Variants in TCF7L1 observed in about 807,000 individuals in gnomAD.
The protein encoded by TCF7L1 is transcription factor 7 like 1.
TCF7L1 carries 18 observed loss-of-function variants against 63.7 expected under a neutral mutation model. That is an observed-to-expected ratio of 0.28 (90% CI 0.20 to 0.42). TCF7L1 has a LOEUF of 0.42. TCF7L1 is among the 10% of genes least tolerant of loss of function. The pLI is 1.00. For synonymous variants in TCF7L1, 355 were observed against 340.9 expected, an observed-to-expected ratio of 1.04 and a Z score of -0.46; for missense variants, 654 against 779.3, an observed-to-expected ratio of 0.84 and a Z score of 1.91.
At chr2:85,279,184 A>G (rs1335653530) in intron 3 of TCF7L1, among the ~76,000 whole-genome samples, 2 of 152,232 alleles carry the variant, frequency 1.3e-5, no homozygotes, top group East Asian at 3.9e-4. Context: ...ACAGTCAGCC[A>G]TCACTTACTT....
chr2:85,198,973 T>C (rs1183201942), intron 3 of TCF7L1, among the ~76,000 whole-genome samples: 1 of 151,836 alleles, frequency 6.6e-6, no homozygotes, highest in African/African-American at 2.4e-5. Flanking sequence ...CCCAGCCCTG[T>C]AAAGAAAAAA....
intron 3 of TCF7L1, among the ~76,000 whole-genome samples, chr2:85,232,683 A>G (rs1391825103): frequency 6.6e-6 from 1 of 152,216 alleles, no homozygotes; most frequent in African/African-American, 2.4e-5. Context: ...TCTTCCAGTG[A>G]CATATTCAGG....
chr2:85,216,861 A>G (rs1480368812), intron 3 of TCF7L1, among the ~76,000 whole-genome samples: 3 of 152,240 alleles, frequency 2.0e-5, no homozygotes, highest in Admixed American at 6.5e-5. Flanking sequence ...GGGCTTCTCA[A>G]GCTTGGAGAA....
intron 3 of TCF7L1, among the ~76,000 whole-genome samples, chr2:85,159,368 C>T (rs954399019): frequency 6.6e-6 from 1 of 152,180 alleles, no homozygotes; most frequent in African/African-American, 2.4e-5. Flanking sequence ...GTAGGTTTAG[C>T]TGTCTGTTGG....
intron 3 of TCF7L1, among the ~76,000 whole-genome samples, chr2:85,241,437 GTT>G (rs772334481): frequency 0.18 from 15,321 of 83,234 alleles, 1,712 homozygotes; most frequent in African/African-American, 0.36. Context: ...CTTTGTTTTT[GTT>G]TTTTTTTTTT....
chr2:85,231,585 G>A (rs1030641820), intron 3 of TCF7L1, among the ~76,000 whole-genome samples: 7 of 152,062 alleles, frequency 4.6e-5, no homozygotes, highest in Non-Finnish European at 7.4e-5. Flanking sequence ...CTGGGCCACC[G>A]CTGGTGTATC....
intron 7 of TCF7L1, 149 bp downstream of exon 7, chr2:85,304,487 C>T (rs143996198): frequency 1.5e-5 from 11 of 715,078 alleles, no homozygotes; most frequent in African/African-American, 1.4e-4. Flanking sequence ...TCTCACGTCC[C>T]GCGCTCCCCA....
In TCF7L1 at chr2:85,201,937, TTTTA is replaced by T. The variant is rs138595337; in HGVS notation, c.441+67515_441+67518del. Among the ~76,000 whole-genome samples, 910 of 150,502 alleles carry T rather than the reference TTTTA, an allele frequency of 6.0e-3. 13 individuals are homozygous for T. Among genetic ancestry groups the T allele is most frequent in the African/African-American group, 0.02 (831 of 40,930 alleles). On this transcript the variant is annotated intron_variant, in intron 3 of 11. Transcript: ENST00000282111. ...AAATGTCTATTCAAGTCTTTTGACT[TTTTA>T]TTTATTTATTTATTTATTTATTTAT...
At chr2:85,230,206 G>A (rs1226300031) in intron 3 of TCF7L1, among the ~76,000 whole-genome samples, 1 of 151,992 alleles carries the variant, frequency 6.6e-6, no homozygotes, top group Admixed American at 6.6e-5. Flanking sequence ...TAGAAACTCG[G>A]GTTTTTCTGG....
chr2:85,135,094 C>T (rs1677559873), intron 3 of TCF7L1, among the ~76,000 whole-genome samples: 1 of 152,174 alleles, frequency 6.6e-6, no homozygotes, highest in Non-Finnish European at 1.5e-5. Flanking sequence ...GCGAGCGCTG[C>T]GACACTTTAA....
chr2:85,164,274 C>T (rs949394992), intron 3 of TCF7L1, among the ~76,000 whole-genome samples: 40 of 152,150 alleles, frequency 2.6e-4, no homozygotes, highest in African/African-American at 9.7e-4. Context: ...CATTCAGGCT[C>T]CTCCAGAGAT....
Position 85,151,011 on chromosome 2 carries a change from G to A in TCF7L1, c.441+16561G>A, listed in dbSNP as rs1017796276. 2.6e-5 allele frequency among the ~76,000 whole-genome samples: 4 copies of A among 152,032 alleles called. No homozygotes were observed. In the South Asian group the frequency reaches 8.3e-4, roughly 32 times the overall value. ...TTCTGTGACACTATAGAACATATTT[G>A]TGCATACTAAATAAGGTGAAAGTAT... On this transcript the variant is annotated intron_variant, in intron 3 of 11. Coordinates refer to ENST00000282111, the MANE Select transcript of TCF7L1 (RefSeq NM_031283.3).
intron 3 of TCF7L1, among the ~76,000 whole-genome samples, chr2:85,186,024 T>C (rs767669993): frequency 7.1e-6 from 1 of 141,054 alleles, no homozygotes; most frequent in African/African-American, 2.8e-5. Flanking sequence ...TGGAGTGCAG[T>C]GGTGCAATCT....
chr2:85,297,300 T>C (rs1444187284), intron 4 of TCF7L1, among the ~76,000 whole-genome samples: 1 of 152,208 alleles, frequency 6.6e-6, no homozygotes, highest in African/African-American at 2.4e-5. Context: ...GCAGAGACTC[T>C]TGACTTACCT....
intron 3 of TCF7L1, among the ~76,000 whole-genome samples, chr2:85,177,500 T>C (rs1236066934): frequency 2.0e-5 from 3 of 152,128 alleles, no homozygotes; most frequent in Non-Finnish European, 4.4e-5. Flanking sequence ...AGCCCAGGCA[T>C]TTGAAAGTGG....
At chr2:85,258,353 G>GAGCC (rs1270269772) in intron 3 of TCF7L1, among the ~76,000 whole-genome samples, 1 of 152,152 alleles carries the variant, frequency 6.6e-6, no homozygotes, top group Non-Finnish European at 1.5e-5. Context: ...TGAGGCTTGA[G>GAGCC]AGCCTGCCTG....
intron 4 of TCF7L1, 53 bp downstream of exon 4, chr2:85,283,631 C>A: frequency 6.4e-7 from 1 of 1,567,040 alleles, no homozygotes; most frequent in Non-Finnish European, 8.8e-7. Flanking sequence ...TGGCCTCATC[C>A]CATGCCACTG....
At chr2:85,146,485 T>TTTTC (rs1435351751) in intron 3 of TCF7L1, among the ~76,000 whole-genome samples, 4 of 145,844 alleles carry the variant, frequency 2.7e-5, no homozygotes, top group Non-Finnish European at 4.5e-5. Flanking sequence ...ATTTCTTTTC[T>TTTTC]TTTCTTTCTT....
At chr2:85,153,752 A>G (rs918883849) in intron 3 of TCF7L1, among the ~76,000 whole-genome samples, 1 of 152,192 alleles carries the variant, frequency 6.6e-6, no homozygotes, top group Non-Finnish European at 1.5e-5. Flanking sequence ...GTTGGCTGTC[A>G]TATTTCTCTT....
Sources: gnomAD v4.1 joint callset for allele counts (sites outside exome capture counted in the v4.1 genomes callset) on GRCh38, gnomAD v4.1.1 for gene constraint, MANE v1.5 for transcripts, NCBI Gene and HGNC (gene_info 2026-07-23, HGNC 2026-07-21) for gene names.